Variants in KCND2 observed in about 807,000 individuals in gnomAD.
KCND2 encodes the protein potassium voltage-gated channel subfamily D member 2.
KCND2 carries 16 observed loss-of-function variants against 54.4 expected under a neutral mutation model. That is an observed-to-expected ratio of 0.29 (90% CI 0.20 to 0.45). The LOEUF (loss-of-function observed/expected upper bound fraction) is 0.45. Among genes scored for constraint, KCND2 ranks in the 20% least tolerant of loss-of-function variants. The pLI, the probability that KCND2 is intolerant of heterozygous loss-of-function variation, is 1.00. For missense variants in KCND2, 486 were observed against 824.2 expected (o/e 0.59, Z 5.02); for synonymous variants, 317 against 310.7 (o/e 1.02, Z -0.21).
At chr7:120,691,063 G>T (rs1225448154) in intron 1 of KCND2, among the ~76,000 whole-genome samples, 1 of 151,942 alleles carries the variant, frequency 6.6e-6, no homozygotes, top group Non-Finnish European at 1.5e-5. Flanking sequence ...TGAAGCAGTA[G>T]CATGTATGGG....
intron 1 of KCND2, among the ~76,000 whole-genome samples, chr7:120,561,682 G>C (rs1443466526): frequency 2.3e-5 from 3 of 132,504 alleles, no homozygotes; most frequent in African/African-American, 8.6e-5. Context: ...CACAATCTCG[G>C]CTCACTGCAT....
rs538982126 is a variant in KCND2, at chr7:120,464,132, A to G, written c.1115+188385A>G. The G allele has an allele frequency of 3.1e-5, 28 of 909,648 alleles. No homozygotes were observed. In the East Asian group the frequency reaches 7.2e-4, roughly 23 times the overall value. The allele number at this position is 909,648 out of a possible 1,614,324, so 56.3% of individuals were successfully genotyped here. On this transcript the variant is annotated intron_variant, in intron 1 of 5. Coordinates refer to ENST00000331113, the MANE Select transcript of KCND2 (RefSeq NM_012281.3). ...TTTCCCCCTAGCTATCATTTAGACT[A>G]TACTGCTATATCAAATTGTATTGTC...
chr7:120,291,664 G>A (rs550069457), intron 1 of KCND2, among the ~76,000 whole-genome samples: 5 of 151,954 alleles, frequency 3.3e-5, no homozygotes, highest in African/African-American at 1.2e-4. Flanking sequence ...GCAGATCTGG[G>A]ATTTTGAACC....
chr7:120,374,885 G>A (rs772567329), intron 1 of KCND2, among the ~76,000 whole-genome samples: 2 of 151,790 alleles, frequency 1.3e-5, no homozygotes, highest in Admixed American at 6.6e-5. Flanking sequence ...TTTCTGATGA[G>A]CTTCACCAAT....
intron 1 of KCND2, among the ~76,000 whole-genome samples, chr7:120,437,084 C>A (rs1801878434): frequency 6.6e-6 from 1 of 152,044 alleles, no homozygotes; most frequent in Non-Finnish European, 1.5e-5. Flanking sequence ...AAAACAACTT[C>A]TTTACTAACT....
intron 1 of KCND2, among the ~76,000 whole-genome samples, chr7:120,345,667 CTTG>C (rs967177531): frequency 2.0e-5 from 3 of 152,128 alleles, no homozygotes; most frequent in African/African-American, 7.2e-5. Context: ...AAGGATTATT[CTTG>C]TTGTAGCATG....
chr7:120,347,878 C>T (rs1330137418), intron 1 of KCND2, among the ~76,000 whole-genome samples: 1 of 152,140 alleles, frequency 6.6e-6, no homozygotes, highest in Non-Finnish European at 1.5e-5. Flanking sequence ...GTTCTGCAGG[C>T]TAGAAGTCTG....
At chr7:120,597,590 G>A (rs1001814736) in intron 1 of KCND2, among the ~76,000 whole-genome samples, 6 of 151,992 alleles carry the variant, frequency 3.9e-5, no homozygotes, top group African/African-American at 1.4e-4. Flanking sequence ...TCCCTTACAA[G>A]GGTCTTACAT....
intron 1 of KCND2, among the ~76,000 whole-genome samples, chr7:120,596,196 C>G (rs1792743708): frequency 6.6e-6 from 1 of 152,062 alleles, no homozygotes; most frequent in Admixed American, 6.5e-5. Flanking sequence ...TTTGTAAGAA[C>G]TCTTTTATAA....
At chr7:120,446,805 C>T (rs533464289) in intron 1 of KCND2, among the ~76,000 whole-genome samples, 48 of 152,210 alleles carry the variant, frequency 3.2e-4, no homozygotes, top group Non-Finnish European at 6.0e-4. Flanking sequence ...ATGGGTCTAA[C>T]GTAGCTAATA....
intron 1 of KCND2, among the ~76,000 whole-genome samples, chr7:120,278,418 A>G (rs938648358): frequency 5.9e-5 from 9 of 151,776 alleles, no homozygotes; most frequent in African/African-American, 1.9e-4. Flanking sequence ...AGCTCTTTTT[A>G]TGGGGCTATT....
At chr7:120,677,542 GATATAGATATATAGAT>G (rs1240850643) in intron 1 of KCND2, among the ~76,000 whole-genome samples, 22 of 139,704 alleles carry the variant, frequency 1.6e-4, no homozygotes, top group Admixed American at 4.2e-4. Context: ...TATAGATATA[GATATAGATATATAGAT>G]ATATAGATAT....
chr7:120,523,381 AC>A (rs1384314014), intron 1 of KCND2, among the ~76,000 whole-genome samples: 1 of 151,356 alleles, frequency 6.6e-6, no homozygotes, highest in Non-Finnish European at 1.5e-5. Flanking sequence ...AAAATAATAA[AC>A]TTTAAAATAC....
chr7:120,435,738 T>TAC (rs949479205), intron 1 of KCND2, among the ~76,000 whole-genome samples: 1 of 152,046 alleles, frequency 6.6e-6, no homozygotes, highest in African/African-American at 2.4e-5. Context: ...AGTGGATATA[T>TAC]ATATATATAT....
In KCND2 at chr7:120,652,838, C is replaced by T. The variant is rs112277084; in HGVS notation, c.1116-80065C>T. Among the ~76,000 whole-genome samples, 196 of 152,190 alleles carry T rather than the reference C, an allele frequency of 1.3e-3. 3 individuals are homozygous for T. In the South Asian group the frequency reaches 0.037, roughly 29 times the overall value. ...TAGATCTGAAGAGAGGAAGAAACTG[C>T]GATATCAAGATGACATTTAAAAACA... On this transcript the variant is annotated intron_variant, in intron 1 of 5. Transcript: ENST00000331113.
intron 1 of KCND2, among the ~76,000 whole-genome samples, chr7:120,615,332 A>G (rs1793010514): frequency 6.6e-6 from 1 of 152,220 alleles, no homozygotes; most frequent in Admixed American, 6.5e-5. Flanking sequence ...TTGAACTGAC[A>G]AATACTTTGT....
intron 1 of KCND2, among the ~76,000 whole-genome samples, chr7:120,482,120 C>T (rs372611118): frequency 2.6e-5 from 4 of 152,140 alleles, no homozygotes; most frequent in East Asian, 1.9e-4. Context: ...GGAAGTAGGA[C>T]GTGGAGCCAA....
intron 1 of KCND2, among the ~76,000 whole-genome samples, chr7:120,349,490 A>G (rs1800371604): frequency 6.6e-6 from 1 of 152,208 alleles, no homozygotes; most frequent in Admixed American, 6.5e-5. Flanking sequence ...AGAGTTTCTG[A>G]TAATATCCTT....
At chr7:120,659,752 A>G (rs762530724) in intron 1 of KCND2, among the ~76,000 whole-genome samples, 21 of 152,190 alleles carry the variant, frequency 1.4e-4, no homozygotes, top group African/African-American at 1.9e-4. Context: ...AAATCTTCAC[A>G]TACTGAAGTC....
Sources: allele counts gnomAD v4.1 joint callset (sites outside exome capture counted in the v4.1 genomes callset), GRCh38; gene constraint gnomAD v4.1.1; transcripts MANE v1.5; gene names NCBI Gene and HGNC (gene_info 2026-07-23, HGNC 2026-07-21).